The following MGAT4C variants were observed in gnomAD, a reference collection of about 807,000 sequenced individuals.
MGAT4C encodes MGAT4 family member C.
Under a neutral mutation model 40.1 loss-of-function variants are expected in MGAT4C, and 19 were observed. That is an observed-to-expected ratio of 0.47 (90% CI 0.33 to 0.70). The LOEUF (loss-of-function observed/expected upper bound fraction) is 0.70, where lower values mean the gene tolerates loss of function less well. Ranked by LOEUF, MGAT4C falls within the 30% of genes least tolerant of loss-of-function variation. MGAT4C has a pLI of 0.02. For missense variants in MGAT4C, 491 were observed against 563.2 expected (o/e 0.87, Z 1.30); for synonymous variants, 181 against 187.1 (o/e 0.97, Z 0.27).
chr12:86,737,014 TAAA>T lies in MGAT4C; in HGVS notation c.-261-9776_-261-9774del, dbSNP rs11341650. Among the ~76,000 whole-genome samples the T allele has an allele frequency of 3.9e-3, 500 of 129,778 alleles. 1 individual carries two copies. The highest frequency in any genetic ancestry group is 0.013 in the African/African-American group (478 of 35,420). The allele number at this position is 129,778 out of a possible 152,430, so 85.1% of individuals were successfully genotyped here. A position where few individuals can be genotyped will look rare whatever the true frequency, so the allele number is the denominator to read the frequency against. ...AACATCAAGCTAACTTGCAATTCTATAAAAAAAAAAAAAAAACCTGCCAATTTT... is the reference window on the plus strand; with the variant it reads ...AACATCAAGCTAACTTGCAATTCTATAAAAAAAAAAAAACCTGCCAATTTT... On this transcript the variant is annotated intron_variant, in intron 1 of 7. Coordinates refer to the MGAT4C transcript ENST00000548651.
chr12:86,509,750 G>A lies in MGAT4C; in HGVS notation c.-228-74485C>T, dbSNP rs558752831. ...CTTTTATTTCATTGAGCAGTGGTTT[G>A]TAGTTCTCCTTGAAGAGGTCCTTCA... On this transcript the variant is annotated intron_variant, in intron 2 of 7. Coordinates refer to the MGAT4C transcript ENST00000548651. Among the ~76,000 whole-genome samples, 163 of 152,232 alleles carry A rather than the reference G, an allele frequency of 1.1e-3. 1 individual carries two copies. The East Asian group carries it at 0.023, about 21-fold the overall frequency.
At chr12:86,550,704 C>A (rs1592976919) in intron 2 of MGAT4C, among the ~76,000 whole-genome samples, 1 of 152,340 alleles carries the variant, frequency 6.6e-6, no homozygotes, top group South Asian at 2.1e-4. Flanking sequence ...ACGATCAACA[C>A]TCCCAGCTGG....
chr12:86,251,914 A>G (rs1952299844), intron 1 of MGAT4C, among the ~76,000 whole-genome samples: 1 of 152,086 alleles, frequency 6.6e-6, no homozygotes, highest in Non-Finnish European at 1.5e-5. Context: ...ATTAAAAAGT[A>G]CTGTTGTCCA....
chr12:86,238,030 C>T (rs1773839574), intron 1 of MGAT4C, among the ~76,000 whole-genome samples: 1 of 151,946 alleles, frequency 6.6e-6, no homozygotes, highest in African/African-American at 2.4e-5. Context: ...GAAGTCAATA[C>T]ATAGCCATCA....
At chr12:86,311,513 C>G (rs1303055986) in intron 4 of MGAT4C, among the ~76,000 whole-genome samples, 1 of 151,962 alleles carries the variant, frequency 6.6e-6, no homozygotes, top group Non-Finnish European at 1.5e-5. Flanking sequence ...GTGTTCAATT[C>G]TGGCTTATTT....
At chr12:86,217,504 G>C (rs1950719102) in intron 1 of MGAT4C, among the ~76,000 whole-genome samples, 2 of 152,134 alleles carry the variant, frequency 1.3e-5, no homozygotes, top group Admixed American at 6.5e-5. Flanking sequence ...TTGTAAACAT[G>C]TTTTGTGCCA....
At chr12:86,090,472 C>A (rs1189806215) in intron 1 of MGAT4C, among the ~76,000 whole-genome samples, 1 of 151,694 alleles carries the variant, frequency 6.6e-6, no homozygotes, top group African/African-American at 2.4e-5. Context: ...GTTGTACCTA[C>A]TTTTAGCCCT....
At chr12:86,814,313 CGT>C (rs1319466224) in intron 1 of MGAT4C, among the ~76,000 whole-genome samples, 345 of 1,592 alleles carry the variant, frequency 0.22, 18 homozygotes, top group Middle Eastern at 0.5. Flanking sequence ...TATATATATA[CGT>C]ATATATACAT....
At chr12:86,112,311 TCCCC>T (rs147315791) in intron 1 of MGAT4C, among the ~76,000 whole-genome samples, 1 of 151,294 alleles carries the variant, frequency 6.6e-6, no homozygotes, top group Non-Finnish European at 1.5e-5. Flanking sequence ...GTGGTTTACT[TCCCC>T]CCCACCCTTT....
At chr12:86,405,613 A>G (rs1390575451) in intron 3 of MGAT4C, among the ~76,000 whole-genome samples, 4 of 151,946 alleles carry the variant, frequency 2.6e-5, no homozygotes, top group Non-Finnish European at 5.9e-5. Flanking sequence ...TGTTTTTTAT[A>G]TAAAATTCAT....
At chr12:86,091,151 A>C (rs1872807996) in intron 1 of MGAT4C, among the ~76,000 whole-genome samples, 1 of 152,034 alleles carries the variant, frequency 6.6e-6, no homozygotes, top group African/African-American at 2.4e-5. Context: ...CAGTAGAAAT[A>C]TTTTAAAATA....
At chr12:86,655,582 C>T (rs531314708) in intron 2 of MGAT4C, among the ~76,000 whole-genome samples, 1 of 152,116 alleles carries the variant, frequency 6.6e-6, no homozygotes, top group East Asian at 1.9e-4. Context: ...TTTATTTGTC[C>T]AGCCAAATGT....
At chr12:86,739,510 G>A (rs941890726) in intron 1 of MGAT4C, among the ~76,000 whole-genome samples, 3 of 150,632 alleles carry the variant, frequency 2.0e-5, no homozygotes, top group Non-Finnish European at 4.5e-5. Context: ...TTCAGCAACT[G>A]CAGATGTAAA....
At chr12:86,807,618 T>C (rs1566003854) in intron 1 of MGAT4C, among the ~76,000 whole-genome samples, 1 of 152,166 alleles carries the variant, frequency 6.6e-6, no homozygotes, top group South Asian at 2.1e-4. Context: ...AAGAATGATT[T>C]ATATTCCTTT....
At position 85,964,540 on chromosome 12, in the gene MGAT4C, A is replaced by G. The variant is rs1411853453; in HGVS notation, c.*14749T>C. 1 of 152,176 alleles carries G rather than the reference A, an allele frequency of 6.6e-6. No homozygotes were observed. The highest frequency in any genetic ancestry group is 1.5e-5 in the Non-Finnish European group (1 of 68,012). 9.4% of individuals were successfully genotyped at this position (152,176 alleles called of 1,614,324 possible). ...ACTTAAGGGAATTCAGGTAAAGGAA[A>G]TTGACTAGGTTAAGGCAAATACATC... On this transcript the variant is annotated 3_prime_UTR_variant, in exon 5 of 5. Transcript: ENST00000611864.
At chr12:86,684,146 C>T (rs1057434473) in intron 2 of MGAT4C, among the ~76,000 whole-genome samples, 19 of 152,018 alleles carry the variant, frequency 1.2e-4, no homozygotes, top group African/African-American at 2.2e-4. Flanking sequence ...GAGGCCGAGG[C>T]GGGCAGATCA....
chr12:86,583,418 T>C (rs900237312), intron 2 of MGAT4C, among the ~76,000 whole-genome samples: 3 of 151,464 alleles, frequency 2.0e-5, no homozygotes, highest in Non-Finnish European at 4.4e-5. Flanking sequence ...TAACCTATTT[T>C]AAAGGCAAAA....
At chr12:86,705,813 T>C (rs929645037) in intron 2 of MGAT4C, among the ~76,000 whole-genome samples, 1 of 152,134 alleles carries the variant, frequency 6.6e-6, no homozygotes, top group Non-Finnish European at 1.5e-5. Flanking sequence ...AAGATCATAC[T>C]AAGTATTACA....
intron 1 of MGAT4C, among the ~76,000 whole-genome samples, chr12:86,123,020 G>C (rs1250652466): frequency 6.6e-6 from 1 of 152,108 alleles, no homozygotes; most frequent in African/African-American, 2.4e-5. Flanking sequence ...AGACAAGCCA[G>C]TATTAGTCAT....
Sources: allele counts gnomAD v4.1 joint callset (sites outside exome capture counted in the v4.1 genomes callset), GRCh38; gene constraint gnomAD v4.1.1; transcripts MANE v1.5; gene names NCBI Gene and HGNC (gene_info 2026-07-23, HGNC 2026-07-21).